IGF1R: variants seen among roughly 807,000 people sequenced by gnomAD.
IGF1R encodes insulin-like growth factor 1 receptor.
IGF1R carries 44 observed loss-of-function variants against 144.6 expected under a neutral mutation model. The observed-to-expected ratio is 0.30, with a 90% CI of 0.24 to 0.39. The LOEUF is 0.39. IGF1R is among the 10% of genes least tolerant of loss of function. IGF1R has a pLI of 1.00. For missense variants in IGF1R, 1,355 were observed against 1,833.7 expected, an observed-to-expected ratio of 0.74 and a Z score of 4.77; for synonymous variants, 795 against 722.8, an observed-to-expected ratio of 1.10 and a Z score of -1.60.
Position 98,957,111 on chromosome 15 carries a change from C to A in IGF1R, c.3773C>A (p.Ser1258Tyr). The change falls in exon 21 of 21, where the codon TCC becomes TAC. Residue 1258 changes from serine (S) to tyrosine (Y), a missense_variant. This residue lies in a region of IGF1R where 219 missense variants were observed against 188.8 expected (regional missense o/e 1.16). Transcript: ENST00000650285. ...CWQYNPKMRP[S>Y]FLEIISSIKE... ...CAGTATAACCCCAAGATGAGGCCTT[C>A]CTTCCTGGAGATCATCAGCAGCATC... 6.2e-7 allele frequency: 1 copy of A among 1,614,222 alleles called. No individual in the cohort carries two copies. The highest frequency in any genetic ancestry group is 8.5e-7 in the Non-Finnish European group (1 of 1,180,026).
intron 1 of IGF1R, among the ~76,000 whole-genome samples, chr15:98,696,243 T>C (rs1453410959): frequency 6.6e-6 from 1 of 152,212 alleles, no homozygotes; most frequent in Non-Finnish European, 1.5e-5. Context: ...TTGCCATTGC[T>C]CCTGGAAACT....
intron 2 of IGF1R, among the ~76,000 whole-genome samples, chr15:98,843,091 C>T (rs561621564): frequency 1.2e-4 from 19 of 152,298 alleles, no homozygotes; most frequent in South Asian, 6.2e-4. Flanking sequence ...CTCTTGTTTG[C>T]TCACCGGCAT....
intron 2 of IGF1R, among the ~76,000 whole-genome samples, chr15:98,786,828 G>A (rs2056009671): frequency 6.6e-6 from 1 of 152,166 alleles, no homozygotes; most frequent in Admixed American, 6.5e-5. Context: ...AGAGAACTGG[G>A]CAGCTAGAGA....
At chr15:98,843,870 G>T (rs1001833710) in intron 2 of IGF1R, among the ~76,000 whole-genome samples, 3 of 152,130 alleles carry the variant, frequency 2.0e-5, no homozygotes, top group African/African-American at 7.2e-5. Flanking sequence ...ATATTTTCAC[G>T]ATAGCAATGA....
intron 1 of IGF1R, among the ~76,000 whole-genome samples, chr15:98,664,128 A>G (rs2052667464): frequency 6.6e-6 from 1 of 152,180 alleles, no homozygotes; most frequent in African/African-American, 2.4e-5. Flanking sequence ...CTTTCCTGCT[A>G]TTAGGAGAGT....
At chr15:98,771,079 ATTG>A (rs757512541) in intron 2 of IGF1R, among the ~76,000 whole-genome samples, 10 of 152,024 alleles carry the variant, frequency 6.6e-5, no homozygotes, top group African/African-American at 1.9e-4. Flanking sequence ...TGAGAGTTGG[ATTG>A]TTGTTGTATG....
Position 98,962,312 on chromosome 15 carries a change from G to A in IGF1R, c.*4870G>A, listed in dbSNP as rs2017257813. The A allele has an allele frequency of 4.3e-6, 1 of 233,248 alleles. No homozygotes were observed. Among genetic ancestry groups the A allele is most frequent in the Admixed American group, 5.6e-5 (1 of 17,770 alleles). 14.4% of individuals were successfully genotyped at this position (233,248 alleles called of 1,614,324 possible). A position where few individuals can be genotyped will look rare whatever the true frequency, so the allele number is the denominator to read the frequency against. The stretch of plus-strand genomic sequence containing the variant: ...TCCCAGTTATGCATTTCAAGTTTGG[G>A]GTTTGTTCTTTTCGTTAATGTTCCT... On this transcript the variant is annotated 3_prime_UTR_variant, in exon 21 of 21. Transcript: ENST00000650285.
intron 13 of IGF1R, among the ~76,000 whole-genome samples, chr15:98,926,271 A>G (rs930751067): frequency 6.6e-6 from 1 of 152,220 alleles, no homozygotes; most frequent in Non-Finnish European, 1.5e-5. Flanking sequence ...TAAGAAGTTA[A>G]GCTCATGGAG....
chr15:98,876,796 AT>A (rs771741332), intron 2 of IGF1R, among the ~76,000 whole-genome samples: 48 of 152,184 alleles, frequency 3.2e-4, no homozygotes, highest in Admixed American at 3.3e-4. Flanking sequence ...TTATGTGGTA[AT>A]TCTGTTAACG....
chr15:98,911,530 A>G, intron 7 of IGF1R, 89 bp downstream of exon 7: 2 of 1,561,416 alleles, frequency 1.3e-6, no homozygotes, highest in Non-Finnish European at 8.8e-7. Flanking sequence ...GGCTGGCTGA[A>G]TACAGGGGGT....
chr15:98,687,696 G>A (rs2053365060), intron 1 of IGF1R, among the ~76,000 whole-genome samples: 1 of 152,214 alleles, frequency 6.6e-6, no homozygotes, highest in African/African-American at 2.4e-5. Flanking sequence ...GAGAGAGGTG[G>A]TGGTGTTAGA....
intron 9 of IGF1R, 147 bp downstream of exon 9, chr15:98,916,278 T>TTTTG: frequency 1.2e-6 from 1 of 802,658 alleles, no homozygotes; most frequent in Non-Finnish European, 2.0e-6. Context: ...TTTTTTTTTT[T>TTTTG]TGAGACAGAG....
chr15:98,757,310 C>T (rs1372439132), intron 2 of IGF1R, among the ~76,000 whole-genome samples: 1 of 152,044 alleles, frequency 6.6e-6, no homozygotes, highest in Non-Finnish European at 1.5e-5. Context: ...ATTATAGGCA[C>T]ATGCCACTGC....
Position 98,744,492 on chromosome 15 carries a change from G to A in IGF1R, c.640+36385G>A, listed in dbSNP as rs550269138. 3.9e-5 allele frequency among the ~76,000 whole-genome samples: 6 copies of A among 152,212 alleles called. No homozygotes were observed. The South Asian group carries it at 1.2e-3, about 32-fold the overall frequency. ...GGAACTGAAGAAGTAGAGAAGCATG[G>A]CTGTGCACAGGGGAGGTGGGATGGC... On this transcript the variant is annotated intron_variant, in intron 2 of 20. Coordinates refer to ENST00000650285, the MANE Select transcript of IGF1R (RefSeq NM_000875.5).
At chr15:98,912,512 A>G (rs756618534) in intron 7 of IGF1R, among the ~76,000 whole-genome samples, 11 of 152,230 alleles carry the variant, frequency 7.2e-5, no homozygotes, top group Non-Finnish European at 1.2e-4. Context: ...TGCTTTGGCA[A>G]TGTCAGCTGG....
intron 2 of IGF1R, among the ~76,000 whole-genome samples, chr15:98,785,147 A>T (rs2055961706): frequency 6.6e-6 from 1 of 152,206 alleles, no homozygotes; most frequent in African/African-American, 2.4e-5. Context: ...ATTTGACTTG[A>T]TTGGTTAGTG....
intron 1 of IGF1R, among the ~76,000 whole-genome samples, chr15:98,700,224 A>G (rs184557461): frequency 6.6e-6 from 1 of 152,304 alleles, no homozygotes; most frequent in East Asian, 1.9e-4. Flanking sequence ...TGAAGGGCAC[A>G]GCATGGGAGG....
intron 2 of IGF1R, among the ~76,000 whole-genome samples, chr15:98,825,685 A>G (rs1292168939): frequency 7.9e-5 from 12 of 152,338 alleles, no homozygotes; most frequent in African/African-American, 2.9e-4. Context: ...CCTGGTGCCA[A>G]AAAGGTTGGG....
intron 2 of IGF1R, among the ~76,000 whole-genome samples, chr15:98,762,103 A>G (rs2055314434): frequency 6.6e-6 from 1 of 152,236 alleles, no homozygotes; most frequent in Admixed American, 6.5e-5. Context: ...GTGATGATGT[A>G]GCTCACTTGG....
Sources: gnomAD v4.1 joint callset for allele counts (sites outside exome capture counted in the v4.1 genomes callset) on GRCh38, gnomAD v4.1.1 for gene constraint, gnomAD v4.1.1 regional missense constraint, MANE v1.5 for transcripts, NCBI Gene and HGNC (gene_info 2026-07-23, HGNC 2026-07-21) for gene names.